The following MEF2A variants were observed in gnomAD, a reference collection of about 807,000 sequenced individuals.
The protein encoded by MEF2A is myocyte-specific enhancer factor 2A.
MEF2A carries 28 observed loss-of-function variants against 55.8 expected under a neutral mutation model. That is an observed-to-expected ratio of 0.50 (90% CI 0.37 to 0.69). The LOEUF (loss-of-function observed/expected upper bound fraction) is 0.69, where lower values mean the gene tolerates loss of function less well. MEF2A is among the 30% of genes least tolerant of loss of function. The pLI is 0.00. For missense variants in MEF2A, 528 were observed against 626.2 expected (o/e 0.84, Z 1.67); for synonymous variants, 239 against 227.1 (o/e 1.05, Z -0.47).
chr15:99,665,348 A>G (rs769861042), intron 4 of MEF2A, among the ~76,000 whole-genome samples: 22 of 152,204 alleles, frequency 1.4e-4, no homozygotes, highest in Non-Finnish European at 2.5e-4. Flanking sequence ...AGGATTCCCT[A>G]TTTAATAAAT....
chr15:99,567,372 T>A (rs568032285), intron 1 of MEF2A, among the ~76,000 whole-genome samples: 4 of 152,366 alleles, frequency 2.6e-5, no homozygotes, highest in Admixed American at 2.6e-4. Context: ...GGAGGTTCTC[T>A]AAAGCTGTAA....
intron 8 of MEF2A, among the ~76,000 whole-genome samples, chr15:99,692,034 A>G (rs1359025449): frequency 6.6e-6 from 1 of 152,216 alleles, no homozygotes; most frequent in African/African-American, 2.4e-5. Context: ...CTACCATACT[A>G]AATGATATGC....
intron 1 of MEF2A, among the ~76,000 whole-genome samples, chr15:99,593,923 A>G (rs1329905161): frequency 6.6e-6 from 1 of 152,184 alleles, no homozygotes; most frequent in Non-Finnish European, 1.5e-5. Flanking sequence ...GAGATAGGTA[A>G]AAAACAAATT....
At chr15:99,656,640 A>G (rs2047765752) in intron 4 of MEF2A, among the ~76,000 whole-genome samples, 1 of 152,154 alleles carries the variant, frequency 6.6e-6, no homozygotes, top group Admixed American at 6.5e-5. Flanking sequence ...AACCTAATTA[A>G]TCAGGTTAAT....
At chr15:99,572,031 T>G (rs1476909687) in intron 1 of MEF2A, among the ~76,000 whole-genome samples, 1 of 151,514 alleles carries the variant, frequency 6.6e-6, no homozygotes, top group African/African-American at 2.4e-5. Flanking sequence ...TTTTTTTTTT[T>G]TCTTCACACA....
intron 8 of MEF2A, 26 bp from the exon 9 acceptor site, chr15:99,703,336 T>A: frequency 6.2e-7 from 1 of 1,612,330 alleles, no homozygotes; most frequent in Non-Finnish European, 8.5e-7. Flanking sequence ...AGTAACTCTC[T>A]TATCCCTCTT....
At chr15:99,580,522 TG>T (rs1224544368) in intron 1 of MEF2A, among the ~76,000 whole-genome samples, 1 of 152,186 alleles carries the variant, frequency 6.6e-6, no homozygotes, top group African/African-American at 2.4e-5. Flanking sequence ...GAAGGTATTG[TG>T]GAGGAGGAGA....
At chr15:99,575,423 C>A (rs891646917) in intron 1 of MEF2A, among the ~76,000 whole-genome samples, 1 of 152,098 alleles carries the variant, frequency 6.6e-6, no homozygotes, top group Non-Finnish European at 1.5e-5. Flanking sequence ...TGTCCAGGTG[C>A]TTCTTTGTAA....
intron 2 of MEF2A, among the ~76,000 whole-genome samples, chr15:99,612,212 G>C (rs776115211): frequency 6.6e-6 from 1 of 152,088 alleles, no homozygotes; most frequent in East Asian, 1.9e-4. Context: ...TCAGGAGATC[G>C]AGACTATCCT....
chr15:99,706,766 C>G lies in MEF2A; in HGVS notation c.920C>G (p.Pro307Arg). The G allele has an allele frequency of 1.2e-6, 2 of 1,613,882 alleles. No homozygotes were observed. The highest frequency in any genetic ancestry group is 1.3e-5 in the African/African-American group (1 of 75,034). The part of the protein sequence containing the change: ...QRISSSQATQ[P>R]LATPVVSVTT... ...ATCAGTAGTTCTCAAGCCACTCAAC[C>G]TCTTGCTACCCCAGTCGTGTCTGTG... Residue 307 changes from proline to arginine, a missense_variant, in exon 10 of 12, where the codon CCT (proline) becomes CGT (arginine). Pro to Arg is a moderately radical substitution (Grantham distance 103). Coordinates refer to ENST00000557942, the MANE Select transcript of MEF2A (RefSeq NM_001319206.4).
chr15:99,664,331 G>A (rs939635914), intron 4 of MEF2A, among the ~76,000 whole-genome samples: 2 of 152,190 alleles, frequency 1.3e-5, no homozygotes, highest in Admixed American at 1.3e-4. Flanking sequence ...CAAGAGGCAG[G>A]AGTAGCTGGC....
chr15:99,624,358 A>G (rs955267977), intron 2 of MEF2A, among the ~76,000 whole-genome samples: 2 of 152,176 alleles, frequency 1.3e-5, no homozygotes, highest in African/African-American at 4.8e-5. Context: ...TAATTTTTGT[A>G]TATGGTGTTA....
intron 2 of MEF2A, among the ~76,000 whole-genome samples, chr15:99,603,543 T>TTGTGTGTGTGTG (rs1300288383): frequency 0.26 from 32,322 of 126,206 alleles, 4,657 homozygotes; most frequent in South Asian, 0.36. Context: ...CTGGCTGATT[T>TTGTGTGTGTGTG]TGTGTGTGTG....
chr15:99,648,670 A>T (rs576052523), intron 4 of MEF2A, among the ~76,000 whole-genome samples: 16 of 152,306 alleles, frequency 1.1e-4, no homozygotes, highest in African/African-American at 3.6e-4. Flanking sequence ...GTCTTTAAAA[A>T]ATCAGCAGGA....
At position 99,679,026 on chromosome 15, in the gene MEF2A, A is replaced by G. The variant is rs534497663; in HGVS notation, c.670+3568A>G. 4.6e-5 allele frequency among the ~76,000 whole-genome samples: 7 copies of G among 152,312 alleles called. No homozygotes were observed. The South Asian group carries it at 1.4e-3, about 32-fold the overall frequency. On this transcript the variant is annotated intron_variant, in intron 7 of 11. Transcript: ENST00000557942. ...AGTAGTCATGGAAATGCAAAATTAAACCACAAAGAGAGAACACTGCACACC... is the reference window on the plus strand; with the variant it reads ...AGTAGTCATGGAAATGCAAAATTAAGCCACAAAGAGAGAACACTGCACACC...
At chr15:99,609,008 G>A (rs1976164759) in intron 2 of MEF2A, among the ~76,000 whole-genome samples, 1 of 152,174 alleles carries the variant, frequency 6.6e-6, no homozygotes, top group South Asian at 2.1e-4. Context: ...TAGTTTAGAG[G>A]TATCATAGCT....
intron 1 of MEF2A, among the ~76,000 whole-genome samples, chr15:99,590,989 T>C (rs536962699): frequency 6.6e-6 from 1 of 152,184 alleles, no homozygotes; most frequent in Admixed American, 6.5e-5. Flanking sequence ...GTTTTAGCTT[T>C]ACAGAAAAAT....
At chr15:99,668,806 A>G (rs753890095) in intron 4 of MEF2A, among the ~76,000 whole-genome samples, 2 of 152,174 alleles carry the variant, frequency 1.3e-5, no homozygotes, top group Non-Finnish European at 1.5e-5. Context: ...CACAGGAGAA[A>G]CTTCTACTGT....
At chr15:99,666,141 C>A in intron 4 of MEF2A, among the ~76,000 whole-genome samples, 1 of 152,156 alleles carries the variant, frequency 6.6e-6, no homozygotes. Flanking sequence ...TGCACACATA[C>A]GTTTACTGCG....
Sources: gnomAD v4.1 joint callset for allele counts (sites outside exome capture counted in the v4.1 genomes callset) on GRCh38, gnomAD v4.1.1 for gene constraint, MANE v1.5 for transcripts, NCBI Gene and HGNC (gene_info 2026-07-23, HGNC 2026-07-21) for gene names.